Variants in PDZRN4 observed in about 807,000 individuals in gnomAD.
The protein encoded by PDZRN4 is PDZ domain containing ring finger 4.
A neutral mutation model predicts 99.0 loss-of-function variants in PDZRN4; 70 were observed. The observed-to-expected ratio is 0.71, with a 90% CI of 0.58 to 0.86. The LOEUF (loss-of-function observed/expected upper bound fraction) is 0.86, where lower values mean the gene tolerates loss of function less well. PDZRN4 is among the 40% of genes least tolerant of loss of function. PDZRN4 has a pLI of 0.00. For synonymous variants in PDZRN4, 551 were observed against 501.6 expected, an observed-to-expected ratio of 1.10 and a Z score of -1.32; for missense variants, 1,474 against 1,331.2, an observed-to-expected ratio of 1.11 and a Z score of -1.67.
intron 3 of PDZRN4, among the ~76,000 whole-genome samples, chr12:41,476,294 T>C (rs1277313123): frequency 6.6e-6 from 1 of 152,204 alleles, no homozygotes; most frequent in African/African-American, 2.4e-5. Flanking sequence ...CTCATTTCCA[T>C]GCTATGTATG....
At chr12:41,369,836 T>A (rs1479437233) in intron 3 of PDZRN4, among the ~76,000 whole-genome samples, 2 of 151,920 alleles carry the variant, frequency 1.3e-5, no homozygotes, top group Non-Finnish European at 1.5e-5. Context: ...CTGTTCTAGC[T>A]TCCATTTCAC....
At chr12:41,455,166 G>T (rs536791121) in intron 3 of PDZRN4, among the ~76,000 whole-genome samples, 1 of 152,178 alleles carries the variant, frequency 6.6e-6, no homozygotes, top group African/African-American at 2.4e-5. Context: ...ATTTTTTAGG[G>T]GGATGAATTT....
chr12:41,332,291 G>A (rs1021341451), intron 3 of PDZRN4, among the ~76,000 whole-genome samples: 2 of 152,160 alleles, frequency 1.3e-5, no homozygotes, highest in Non-Finnish European at 1.5e-5. Flanking sequence ...AATAATGAAC[G>A]TTTGCCTGTA....
chr12:41,311,262 G>A (rs1013853681), intron 3 of PDZRN4, among the ~76,000 whole-genome samples: 2 of 102,054 alleles, frequency 2.0e-5, no homozygotes, highest in Admixed American at 1.3e-4. Context: ...TATGCTATAA[G>A]CAATGAGAAT....
At chr12:41,475,027 T>G (rs1423227674) in intron 3 of PDZRN4, among the ~76,000 whole-genome samples, 1 of 152,216 alleles carries the variant, frequency 6.6e-6, no homozygotes, top group African/African-American at 2.4e-5. Context: ...TTTCCCGTTG[T>G]ACATTGGGTG....
chr12:41,199,821 A>G (rs1591964814), intron 3 of PDZRN4, among the ~76,000 whole-genome samples: 1 of 152,172 alleles, frequency 6.6e-6, no homozygotes, highest in African/African-American at 2.4e-5. Flanking sequence ...ATGTGCACAC[A>G]TGGACATAGA....
chr12:41,501,587 T>C (rs190475881), intron 3 of PDZRN4, among the ~76,000 whole-genome samples: 1 of 152,292 alleles, frequency 6.6e-6, no homozygotes, highest in East Asian at 1.9e-4. Flanking sequence ...ATGGATTCAT[T>C]AGCCCATCTG....
chr12:41,369,102 A>T (rs1237634585), intron 3 of PDZRN4, among the ~76,000 whole-genome samples: 1 of 152,124 alleles, frequency 6.6e-6, no homozygotes, highest in Non-Finnish European at 1.5e-5. Context: ...TGTCAAACTC[A>T]ACTATTAAGT....
chr12:41,299,995 TC>T (rs1249715412), intron 3 of PDZRN4, among the ~76,000 whole-genome samples: 3 of 151,966 alleles, frequency 2.0e-5, no homozygotes, highest in Non-Finnish European at 4.4e-5. Context: ...TATTTTGATC[TC>T]TGAGTGTCTT....
intron 3 of PDZRN4, among the ~76,000 whole-genome samples, chr12:41,350,998 C>T (rs1951886071): frequency 6.6e-6 from 1 of 152,132 alleles, no homozygotes; most frequent in South Asian, 2.1e-4. Flanking sequence ...GCTTCAATAT[C>T]TGACAAAAGT....
At chr12:41,344,191 A>C (rs530228930) in intron 3 of PDZRN4, among the ~76,000 whole-genome samples, 11 of 152,214 alleles carry the variant, frequency 7.2e-5, no homozygotes, top group African/African-American at 2.2e-4. Context: ...TTTTTATCTT[A>C]AATTATATTT....
At chr12:41,368,619 G>A (rs999060918) in intron 3 of PDZRN4, among the ~76,000 whole-genome samples, 3 of 151,952 alleles carry the variant, frequency 2.0e-5, no homozygotes, top group East Asian at 1.9e-4. Context: ...AGTCTTCCCC[G>A]TTTTCTCACC....
chr12:41,245,781 C>T (rs1322043659), intron 3 of PDZRN4, among the ~76,000 whole-genome samples: 1 of 152,044 alleles, frequency 6.6e-6, no homozygotes, highest in African/African-American at 2.4e-5. Flanking sequence ...AGACTGATTC[C>T]TCATGGAAAT....
intron 3 of PDZRN4, among the ~76,000 whole-genome samples, chr12:41,247,249 GCTT>G (rs1293298269): frequency 6.6e-6 from 1 of 152,156 alleles, no homozygotes; most frequent in East Asian, 1.9e-4. Context: ...GAAGTAAGAT[GCTT>G]ATTATATTGC....
intron 3 of PDZRN4, among the ~76,000 whole-genome samples, chr12:41,233,440 A>C (rs1245785229): frequency 6.6e-6 from 1 of 152,172 alleles, no homozygotes; most frequent in Non-Finnish European, 1.5e-5. Context: ...ATTACTGGGT[A>C]TATACCCAAA....
chr12:41,240,404 T>C (rs540979281), intron 3 of PDZRN4, among the ~76,000 whole-genome samples: 1 of 152,156 alleles, frequency 6.6e-6, no homozygotes, highest in African/African-American at 2.4e-5. Flanking sequence ...TACTAAAAAG[T>C]AAAAAGCTAA....
chr12:41,367,643 G>A (rs1009500842), intron 3 of PDZRN4, among the ~76,000 whole-genome samples: 3 of 152,048 alleles, frequency 2.0e-5, no homozygotes, highest in Non-Finnish European at 4.4e-5. Flanking sequence ...CACAAGATGA[G>A]AGCTTCTTGT....
rs112625212 is a variant in PDZRN4 at position 41,401,842 on chromosome 12, G to A, written c.844-104614G>A. Among the ~76,000 whole-genome samples the A allele has an allele frequency of 5.6e-3, 845 of 151,670 alleles. 6 individuals carry two copies. The highest frequency in any genetic ancestry group is 0.019 in the African/African-American group (767 of 41,356). On this transcript the variant is annotated intron_variant, in intron 3 of 9. Transcript: ENST00000402685. Reference sequence around the variant, plus strand: ...AATCTCCTAGAGTTCTCCCCAGACCGTGCCAAAACAGCCAAAAATGATTCC... The same window carrying A: ...AATCTCCTAGAGTTCTCCCCAGACCATGCCAAAACAGCCAAAAATGATTCC...
chr12:41,531,784 T>C (rs1938665878), intron 5 of PDZRN4, among the ~76,000 whole-genome samples: 1 of 152,224 alleles, frequency 6.6e-6, no homozygotes, highest in Non-Finnish European at 1.5e-5. Flanking sequence ...AATTTCTATA[T>C]GGACTGTTTT....
Sources: allele counts gnomAD v4.1 joint callset (sites outside exome capture counted in the v4.1 genomes callset), GRCh38; gene constraint gnomAD v4.1.1; transcripts MANE v1.5; gene names NCBI Gene and HGNC (gene_info 2026-07-23, HGNC 2026-07-21).